The following CUL9 variants were observed in gnomAD, a reference collection of about 807,000 sequenced individuals.
The protein encoded by CUL9 is cullin 9.
In CUL9, 79 loss-of-function variants were observed where a neutral mutation model predicts 272.6. The ratio of observed to expected loss-of-function variants is 0.29; its 90% CI spans 0.24 to 0.35. The LOEUF (loss-of-function observed/expected upper bound fraction) is 0.35, where lower values mean the gene tolerates loss of function less well. CUL9 is among the 10% of genes least tolerant of loss of function. The pLI is 1.00. For synonymous variants in CUL9, 1,186 were observed against 1,286.5 expected (o/e 0.92, Z 1.67); for missense variants, 2,532 against 3,255.6 (o/e 0.78, Z 5.41).
rs115576437 is a variant in CUL9 at position 43,199,860 on chromosome 6, C to A, written c.3157-69C>A. 1 of 1,267,608 alleles carries A rather than the reference C, an allele frequency of 7.9e-7. No homozygotes were observed. The highest frequency in any genetic ancestry group is 1.5e-5 in the African/African-American group (1 of 68,272). 78.5% of individuals were successfully genotyped at this position (1,267,608 alleles called of 1,614,324 possible). A position where few individuals can be genotyped will look rare whatever the true frequency, so the allele number is the denominator to read the frequency against. On this transcript the variant is annotated intron_variant, in intron 13 of 40. Transcript: ENST00000252050. This position sits in a 1 kb window ranked among gnomAD's most constrained non-coding sequence, Gnocchi z 4.4. ...AGCCACGACACTTCCTTTACTGAACCCTCTCCTCAATCCTTACATGTCCTA... is the reference window on the plus strand; with the variant it reads ...AGCCACGACACTTCCTTTACTGAACACTCTCCTCAATCCTTACATGTCCTA...
chr6:43,216,461 C>T lies in CUL9; in HGVS notation c.6240C>T (p.Asp2080=), dbSNP rs778436960. The T allele has an allele frequency of 3.5e-4, 568 of 1,604,396 alleles. 5 individuals are homozygous for T. In the South Asian group the frequency reaches 3.7e-3, roughly 10 times the overall value. Reference sequence around the variant, plus strand: ...TCTGTGTGAGCCCCCTGGGGTGTGACGACGACCTGCCCTCTCTCTGCTGCA... The same window carrying T: ...TCTGTGTGAGCCCCCTGGGGTGTGATGACGACCTGCCCTCTCTCTGCTGCA... The part of the protein sequence containing the change: ...CPVCVSPLGC[D]DDLPSLCCMH... Residue 2080 remains aspartate (D), a synonymous_variant, in exon 31 of 41, where the codon GAC becomes GAT. Transcript: ENST00000252050.
Position 43,202,718 on chromosome 6 carries a change from A to C in CUL9, c.3650A>C (p.Gln1217Pro). The C allele has an allele frequency of 6.2e-7, 1 of 1,613,970 alleles. No homozygotes were observed. The highest frequency in any genetic ancestry group is 8.5e-7 in the Non-Finnish European group (1 of 1,179,866). Residue 1217 changes from glutamine (Q) to proline (P), a missense_variant and splice_region_variant, in exon 17 of 41, where the codon CAG becomes CCG. Transcript: ENST00000252050. ...CTGTTTCCTTTCTTCTTTCCCAGGC[A>C]GCTCACTTTGCTGGTGGCCAGTGAG... Reference protein sequence around the residue: ...LHMHRGVLVRQLTLLVASEDS... With the variant: ...LHMHRGVLVRPLTLLVASEDS...
intron 26 of CUL9, among the ~76,000 whole-genome samples, chr6:43,210,976 A>G (rs528387434): frequency 1.3e-5 from 2 of 152,042 alleles, no homozygotes; most frequent in African/African-American, 4.8e-5. Flanking sequence ...TAGGCATTCT[A>G]TTTCTATAAC....
At chr6:43,189,199 T>G (rs1562017098) in intron 8 of CUL9, among the ~76,000 whole-genome samples, 1 of 152,060 alleles carries the variant, frequency 6.6e-6, no homozygotes, top group Non-Finnish European at 1.5e-5. Flanking sequence ...CTACCTTTAT[T>G]TATTTATTTT....
At chr6:43,196,329 T>C (rs1773993126) in intron 10 of CUL9, 64 bp downstream of exon 10, 3 of 1,464,372 alleles carry the variant, frequency 2.0e-6, no homozygotes, top group Admixed American at 1.9e-5. Flanking sequence ...ACTCCTGTGC[T>C]CCAGGCTCAT....
At chr6:43,185,861 C>G (rs1582281073) in intron 3 of CUL9, 94 bp from the exon 4 acceptor site, 1 of 1,471,232 alleles carries the variant, frequency 6.8e-7, no homozygotes, top group East Asian at 2.3e-5. Context: ...GGGGAGAAGG[C>G]CTTTATATTT....
In CUL9 at chr6:43,223,848, TGGGC is replaced by T. The variant is rs975374517; in HGVS notation, c.7285-246_7285-243del. On this transcript the variant is annotated intron_variant, in intron 39 of 40. Coordinates refer to ENST00000252050, the MANE Select transcript of CUL9 (RefSeq NM_015089.4). The surrounding 1 kb of genome is among the most constrained non-coding windows in gnomAD (Gnocchi z 4.1). ...GTTGCTTACTGACTGGTAAGTCACA[TGGGC>T]AGAAAAGACATAGATTCTGTAAGCT... The T allele has an allele frequency of 3.2e-5, 18 of 560,180 alleles. No homozygotes were observed. The highest frequency in any genetic ancestry group is 3.0e-4 in the African/African-American group (16 of 53,086). 34.7% of individuals were successfully genotyped at this position (560,180 alleles called of 1,614,324 possible).
rs765346199 is a variant in CUL9 at position 43,184,541 on chromosome 6, T to C, written c.231T>C (p.Pro77=). ...LSAPEVYANC[P]GLLGERALSK... ...CTCCTGAGGTCTACGCCAACTGCCC[T>C]GGGCTGTTAGGTGAGCGGGCACTAT... Residue 77 remains proline (P), a synonymous_variant, in exon 2 of 41, where the codon CCT becomes CCC. Coordinates refer to ENST00000252050, the MANE Select transcript of CUL9 (RefSeq NM_015089.4). The surrounding 1 kb of genome is among the most constrained non-coding windows in gnomAD (Gnocchi z 4.8). The C allele has an allele frequency of 5.0e-6, 8 of 1,612,976 alleles. No homozygotes were observed. The highest frequency in any genetic ancestry group is 8.5e-7 in the Non-Finnish European group (1 of 1,179,116).
At chr6:43,198,347 T>C in intron 11 of CUL9, 1 of 977,844 alleles carries the variant, frequency 1.0e-6, no homozygotes, top group African/African-American at 1.7e-5. Context: ...TAACTAACAT[T>C]TAATAATAGG....
intron 8 of CUL9, among the ~76,000 whole-genome samples, chr6:43,190,476 A>G (rs552285163): frequency 2.1e-3 from 319 of 152,192 alleles, no homozygotes; most frequent in African/African-American, 7.3e-3. Flanking sequence ...AGAATAATAC[A>G]TATGGTAAAA....
In CUL9 at chr6:43,185,487, C is replaced by T. The variant is rs1405808355; in HGVS notation, c.627C>T (p.Ser209=). The T allele has an allele frequency of 6.2e-7, 1 of 1,613,858 alleles. No individual in the cohort carries two copies. The highest frequency in any genetic ancestry group is 1.1e-5 in the South Asian group (1 of 91,062). The change falls in exon 3 of 41, where the codon AGC becomes AGT. Residue 209 remains serine (S), a synonymous_variant. Transcript: ENST00000252050. The stretch of plus-strand genomic sequence containing the variant: ...GGGCTCACGTCCTTCTATCACTGAG[C>T]CAGCAAGATGGCATCGAGCAGCACA... The part of the protein sequence containing the change: ...GSRAHVLLSL[S]QQDGIEQHMD...
At position 43,218,467 on chromosome 6, in the gene CUL9, C is replaced by T. The variant is rs2150639331; in HGVS notation, c.6282+1964C>T. Among the ~76,000 whole-genome samples the T allele has an allele frequency of 6.6e-6, 1 of 151,918 alleles. No homozygotes were observed. The highest frequency in any genetic ancestry group is 2.0e-4 in the East Asian group (1 of 5,086). On this transcript the variant is annotated intron_variant, in intron 31 of 40. Coordinates refer to ENST00000252050, the MANE Select transcript of CUL9 (RefSeq NM_015089.4). This position sits in a 1 kb window ranked among gnomAD's most constrained non-coding sequence, Gnocchi z 4.4. ...TCCTGACCTCGTGATCCACCCACCT[C>T]AGCCTCCCAAAGTGCTGGAATTACA...
In CUL9 at chr6:43,184,932, A is replaced by G. The variant is rs1772772542; in HGVS notation, c.595+27A>G. 1 of 1,535,546 alleles carries G rather than the reference A, an allele frequency of 6.5e-7. No homozygotes were observed. Among genetic ancestry groups the G allele is most frequent in the South Asian group, 1.1e-5 (1 of 87,226 alleles). On this transcript the variant is annotated intron_variant, in intron 2 of 40. Transcript: ENST00000252050. The surrounding 1 kb of genome is among the most constrained non-coding windows in gnomAD (Gnocchi z 4.8). ...TAAGAGACAGCCAGGGAAGAAGGAA[A>G]GGAATGGAGAAAATGGGGCCACAGG...
chr6:43,196,335 C>T, intron 10 of CUL9, 70 bp downstream of exon 10: 1 of 1,407,642 alleles, frequency 7.1e-7, no homozygotes. Flanking sequence ...GTGCTCCAGG[C>T]TCATGTACTC....
In CUL9 at chr6:43,213,316, C is replaced by G. The variant is rs368665898; in HGVS notation, c.5358+22C>G. 1.1e-4 allele frequency: 173 copies of G among 1,613,112 alleles called. No homozygotes were observed. The African/African-American group carries it at 2.0e-3, about 19-fold the overall frequency. ...AGAGGTGCTTCAGCCCTTAGCCTCT[C>G]TCTGCCTTCTCTGCTACCTTATCTG... On this transcript the variant is annotated intron_variant, in intron 27 of 40. Coordinates refer to ENST00000252050, the MANE Select transcript of CUL9 (RefSeq NM_015089.4). This position sits in a 1 kb window ranked among gnomAD's most constrained non-coding sequence, Gnocchi z 5.7.
At chr6:43,222,689 G>T (rs758106616) in intron 37 of CUL9, 48 bp downstream of exon 37, 5 of 1,605,956 alleles carry the variant, frequency 3.1e-6, no homozygotes, top group Non-Finnish European at 4.3e-6. Flanking sequence ...TGCCAAATGG[G>T]TCTGGGGGGC....
At chr6:43,192,895 T>C (rs1425873797) in intron 8 of CUL9, 106 bp from the exon 9 acceptor site, 5 of 940,480 alleles carry the variant, frequency 5.3e-6, no homozygotes, top group Non-Finnish European at 8.3e-6. Context: ...GAGGATGGAC[T>C]AGATCTTGGT....
intron 26 of CUL9, among the ~76,000 whole-genome samples, chr6:43,212,197 G>T (rs768655314): frequency 6.6e-6 from 1 of 152,196 alleles, no homozygotes; most frequent in Admixed American, 6.5e-5. Context: ...ACACTTCATT[G>T]GTGGTATGTG....
rs1562035368 is a variant in CUL9 at position 43,200,856 on chromosome 6, T to A, written c.3647+22T>A. 1 of 1,613,018 alleles carries A rather than the reference T, an allele frequency of 6.2e-7. No homozygotes were observed. The highest frequency in any genetic ancestry group is 2.2e-5 in the East Asian group (1 of 44,848). On this transcript the variant is annotated intron_variant, in intron 16 of 40. Coordinates refer to ENST00000252050, the MANE Select transcript of CUL9 (RefSeq NM_015089.4). The surrounding 1 kb of genome is among the most constrained non-coding windows in gnomAD (Gnocchi z 4.0). ...TTAGGTGTGAACACACATATATGAA[T>A]GTTCTGCTGTGCCCCAGGATACTTC... is the stretch of plus-strand genomic sequence containing the variant.
Sources: gnomAD v4.1 joint callset for allele counts (sites outside exome capture counted in the v4.1 genomes callset) on GRCh38, gnomAD v4.1.1 for gene constraint, Gnocchi (gnomAD v3.1) non-coding constraint, MANE v1.5 for transcripts, NCBI Gene and HGNC (gene_info 2026-07-23, HGNC 2026-07-21) for gene names.